Variants in KIAA0232 observed in about 807,000 individuals in gnomAD.
The protein encoded by KIAA0232 is uncharacterized protein KIAA0232.
A neutral mutation model predicts 122.0 loss-of-function variants in KIAA0232; 27 were observed. The observed-to-expected ratio is 0.22, with a 90% CI of 0.16 to 0.31. KIAA0232 has a LOEUF of 0.31. Among genes scored for constraint, KIAA0232 ranks in the 10% least tolerant of loss-of-function variants. The probability of loss-of-function intolerance (pLI) is 1.00; values close to 1 mark genes in which losing one functional copy is unlikely to be tolerated. For synonymous variants in KIAA0232, 613 were observed against 587.6 expected, an observed-to-expected ratio of 1.04 and a Z score of -0.63; for missense variants, 1,551 against 1,634.2, an observed-to-expected ratio of 0.95 and a Z score of 0.88.
chr4:6,880,791 C>A lies in KIAA0232; in HGVS notation c.4013C>A (p.Ser1338Tyr). The A allele has an allele frequency of 6.5e-7, 1 of 1,534,746 alleles. No homozygotes were observed. Among genetic ancestry groups the A allele is most frequent in the East Asian group, 2.4e-5 (1 of 42,192 alleles). The change falls in exon 10 of 10, where the codon TCT (serine) becomes TAT (tyrosine). Residue 1338 changes from serine to tyrosine, a missense_variant. Physicochemically the swap from Ser to Tyr is moderately radical, Grantham distance 144. Coordinates refer to ENST00000307659, the MANE Select transcript of KIAA0232 (RefSeq NM_014743.3). The stretch of plus-strand genomic sequence containing the variant: ...TGAAAATTGTTTTAATCTTAGGTGT[C>A]TTCTGTTTATGAAGCAAGATGTACA... ...EERLLDFNRV[S>Y]SVYEARCTGE...
At chr4:6,794,996 G>A (rs1458046291) in intron 1 of KIAA0232, among the ~76,000 whole-genome samples, 1 of 152,140 alleles carries the variant, frequency 6.6e-6, no homozygotes, top group Non-Finnish European at 1.5e-5. Context: ...CTGCATAGGT[G>A]GTATTTATAA....
chr4:6,792,805 T>G (rs994937410), intron 1 of KIAA0232, among the ~76,000 whole-genome samples: 2 of 151,204 alleles, frequency 1.3e-5, no homozygotes, highest in African/African-American at 4.9e-5. Context: ...TTCTCCTGCC[T>G]CAGCCTCCTG....
intron 4 of KIAA0232, among the ~76,000 whole-genome samples, chr4:6,850,794 C>T (rs558068698): frequency 6.6e-6 from 1 of 152,098 alleles, no homozygotes; most frequent in Admixed American, 6.5e-5. Context: ...CTCAGCCTCC[C>T]GAGTAGCTGG....
intron 2 of KIAA0232, among the ~76,000 whole-genome samples, chr4:6,820,521 A>G (rs1027005494): frequency 1.3e-5 from 2 of 152,204 alleles, no homozygotes; most frequent in Non-Finnish European, 2.9e-5. Flanking sequence ...CAGCTATGTT[A>G]TTAGAATTTG....
At chr4:6,837,376 C>T (rs1485675875) in intron 3 of KIAA0232, among the ~76,000 whole-genome samples, 2 of 151,916 alleles carry the variant, frequency 1.3e-5, no homozygotes, top group South Asian at 2.1e-4. Context: ...CAGAGAGGCT[C>T]CTCACTTCCT....
intron 5 of KIAA0232, 68 bp downstream of exon 5, chr4:6,857,298 A>G: frequency 3.7e-6 from 5 of 1,360,784 alleles, no homozygotes; most frequent in Non-Finnish European, 5.1e-6. Flanking sequence ...ATTGGGGAAA[A>G]TCTTAGAATT....
intron 4 of KIAA0232, among the ~76,000 whole-genome samples, chr4:6,847,126 T>C (rs1430239225): frequency 6.6e-6 from 1 of 152,188 alleles, no homozygotes; most frequent in Non-Finnish European, 1.5e-5. Flanking sequence ...GGTGATGTTA[T>C]GCATTACATG....
At chr4:6,875,175 C>T (rs921009239) in intron 8 of KIAA0232, among the ~76,000 whole-genome samples, 3 of 152,240 alleles carry the variant, frequency 2.0e-5, no homozygotes, top group Admixed American at 6.5e-5. Context: ...AGGGCAACCA[C>T]GCCTCCAAGC....
At chr4:6,872,675 G>A (rs574461756) in intron 8 of KIAA0232, among the ~76,000 whole-genome samples, 2 of 152,334 alleles carry the variant, frequency 1.3e-5, no homozygotes, top group South Asian at 4.1e-4. Flanking sequence ...TCAGAGTCCC[G>A]AAGGGGTTAT....
chr4:6,815,868 G>A (rs938160684), intron 2 of KIAA0232, among the ~76,000 whole-genome samples: 9 of 152,132 alleles, frequency 5.9e-5, no homozygotes, highest in Non-Finnish European at 8.8e-5. Context: ...TCATGTGGGC[G>A]TTCAATATGC....
In KIAA0232 at chr4:6,863,066, A is replaced by G. The variant is rs1282611761; in HGVS notation, c.2684A>G (p.Lys895Arg). The G allele has an allele frequency of 5.6e-6, 9 of 1,614,120 alleles. No individual in the cohort carries two copies. The highest frequency in any genetic ancestry group is 5.0e-5 in the Admixed American group (3 of 60,006). ...GAGGGACAGAAAGAGAGCCTGGAGA[A>G]AAGAGCATTTGCTTCTAGTGAGCTA... ...LWEGQKESLE[K>R]RAFASSELSN... The change falls in exon 7 of 10, where the codon AAA becomes AGA. Residue 895 changes from lysine (K) to arginine (R), a missense_variant. Around this residue, in one of 5 missense-constraint regions of KIAA0232, gnomAD observed 1,108 missense variants for 1,154.8 expected, o/e 0.96. Transcript: ENST00000307659.
intron 4 of KIAA0232, among the ~76,000 whole-genome samples, chr4:6,854,757 T>C (rs1361887686): frequency 6.6e-6 from 1 of 152,214 alleles, no homozygotes; most frequent in Non-Finnish European, 1.5e-5. Context: ...GTAGCATTTT[T>C]TTCACCTATA....
chr4:6,850,265 A>C (rs1720205142), intron 4 of KIAA0232, among the ~76,000 whole-genome samples: 1 of 152,148 alleles, frequency 6.6e-6, no homozygotes, highest in African/African-American at 2.4e-5. Context: ...AAGTTGAAGA[A>C]GCCAGGTGTT....
intron 3 of KIAA0232, among the ~76,000 whole-genome samples, chr4:6,836,953 C>G (rs1260579250): frequency 6.6e-5 from 10 of 152,254 alleles, no homozygotes; most frequent in African/African-American, 1.9e-4. Flanking sequence ...TCTTTCCACA[C>G]AGACACGGTA....
At chr4:6,790,311 C>T (rs181267344) in intron 1 of KIAA0232, among the ~76,000 whole-genome samples, 6 of 149,518 alleles carry the variant, frequency 4.0e-5, no homozygotes, top group Admixed American at 4.0e-4. Context: ...GTAATTATTT[C>T]AGAATTGTTC....
intron 1 of KIAA0232, among the ~76,000 whole-genome samples, chr4:6,788,325 C>T (rs1716727569): frequency 6.6e-6 from 1 of 152,166 alleles, no homozygotes. Flanking sequence ...GCCTGCATCT[C>T]TTCTTGTCAC....
At chr4:6,873,344 A>T (rs1721593634) in intron 8 of KIAA0232, among the ~76,000 whole-genome samples, 1 of 152,236 alleles carries the variant, frequency 6.6e-6, no homozygotes, top group African/African-American at 2.4e-5. Flanking sequence ...ATGCCAGGGC[A>T]GTAGGAGTAG....
intron 1 of KIAA0232, among the ~76,000 whole-genome samples, chr4:6,787,092 A>G (rs1716657766): frequency 6.6e-6 from 1 of 151,200 alleles, no homozygotes; most frequent in Non-Finnish European, 1.5e-5. Context: ...GAGGCAGTAG[A>G]ATCTCTTGAA....
At chr4:6,854,916 A>G (rs1222279306) in intron 4 of KIAA0232, among the ~76,000 whole-genome samples, 4 of 152,138 alleles carry the variant, frequency 2.6e-5, no homozygotes, top group Non-Finnish European at 5.9e-5. Context: ...AATGGTTTAT[A>G]TAATTGGGAA....
Sources: allele counts gnomAD v4.1 joint callset (sites outside exome capture counted in the v4.1 genomes callset), GRCh38; gene constraint gnomAD v4.1.1; regional missense constraint gnomAD v4.1.1; transcripts MANE v1.5; gene names NCBI Gene and HGNC (gene_info 2026-07-23, HGNC 2026-07-21).